ASTN2: variants seen among roughly 807,000 people sequenced by gnomAD.
ASTN2 encodes the protein astrotactin-2.
Under a neutral mutation model 139.8 loss-of-function variants are expected in ASTN2, and 54 were observed. That is an observed-to-expected ratio of 0.39 (90% CI 0.31 to 0.48). The LOEUF (loss-of-function observed/expected upper bound fraction) is 0.48. Among genes scored for constraint, ASTN2 ranks in the 20% least tolerant of loss-of-function variants. The pLI, the probability that ASTN2 is intolerant of heterozygous loss-of-function variation, is 0.95. For synonymous variants in ASTN2, 756 were observed against 719.5 expected (o/e 1.05, Z -0.81); for missense variants, 1,565 against 1,725.1 (o/e 0.91, Z 1.64).
At chr9:116,548,033 C>A (rs1852177223) in intron 19 of ASTN2, among the ~76,000 whole-genome samples, 1 of 152,226 alleles carries the variant, frequency 6.6e-6, no homozygotes, top group South Asian at 2.1e-4. Context: ...AGAAAAGCAG[C>A]AAACCTGCGT....
At chr9:117,217,677 G>A (rs898798743) in intron 2 of ASTN2, among the ~76,000 whole-genome samples, 3 of 152,188 alleles carry the variant, frequency 2.0e-5, no homozygotes, top group African/African-American at 7.2e-5. Context: ...ACCTCATTGG[G>A]TCATGAAGGC....
intron 16 of ASTN2, among the ~76,000 whole-genome samples, chr9:116,719,161 G>C (rs1828406564): frequency 6.6e-6 from 1 of 151,510 alleles, no homozygotes. Flanking sequence ...GACAAGCTAT[G>C]ATGGTGACTT....
At chr9:117,086,734 G>A (rs574398511) in intron 5 of ASTN2, among the ~76,000 whole-genome samples, 1 of 152,088 alleles carries the variant, frequency 6.6e-6, no homozygotes, top group South Asian at 2.1e-4. Flanking sequence ...CTGTACCCAT[G>A]TCCAGGCCCT....
intron 3 of ASTN2, among the ~76,000 whole-genome samples, chr9:117,162,247 C>T (rs1365696525): frequency 7.9e-5 from 12 of 151,940 alleles, no homozygotes; most frequent in Admixed American, 7.9e-4. Context: ...TGAGCCTCAC[C>T]TCCTCCTTCC....
chr9:116,658,758 T>G (rs1051615869), intron 16 of ASTN2, among the ~76,000 whole-genome samples: 2 of 134,154 alleles, frequency 1.5e-5, no homozygotes, highest in African/African-American at 2.7e-5. Context: ...TTTTTTTTTT[T>G]GCTTGTACTG....
At chr9:117,003,953 C>CGCGTGTGTGTGTGTGTGT (rs1218309835) in intron 7 of ASTN2, among the ~76,000 whole-genome samples, 17 of 146,286 alleles carry the variant, frequency 1.2e-4, no homozygotes, top group African/African-American at 4.2e-4. Flanking sequence ...CGCGCGCGCG[C>CGCGTGTGTGTGTGTGTGT]GTGTGTGTGT....
chr9:116,916,621 C>A (rs995301365), intron 10 of ASTN2, among the ~76,000 whole-genome samples: 2 of 152,048 alleles, frequency 1.3e-5, no homozygotes, highest in Admixed American at 1.3e-4. Flanking sequence ...CCAAGGTGGG[C>A]AGATTGCTTG....
intron 19 of ASTN2, among the ~76,000 whole-genome samples, chr9:116,548,368 T>C (rs548438701): frequency 6.6e-6 from 1 of 152,348 alleles, no homozygotes; most frequent in Admixed American, 6.5e-5. Context: ...GCTCCAGGCC[T>C]CAGTGCCTCT....
At chr9:116,988,314 T>A (rs999632031) in intron 7 of ASTN2, among the ~76,000 whole-genome samples, 2 of 152,204 alleles carry the variant, frequency 1.3e-5, no homozygotes, top group Admixed American at 1.3e-4. Flanking sequence ...TCATGCCCAC[T>A]CTTCTCATTG....
Position 117,414,648 on chromosome 9 carries a change from TCCGGCCCCGGTCCCAGCCCCGGCC to T in ASTN2, c.267_290del (p.Gly91_Ala98del), listed in dbSNP as rs1442856265. 2 of 1,362,484 alleles carry T rather than the reference TCCGGCCCCGGTCCCAGCCCCGGCC, an allele frequency of 1.5e-6. No individual in the cohort carries two copies. Among genetic ancestry groups the T allele is most frequent in the Non-Finnish European group, 1.9e-6 (2 of 1,064,934 alleles). 84.4% of individuals were successfully genotyped at this position (1,362,484 alleles called of 1,614,324 possible). A position where few individuals can be genotyped will look rare whatever the true frequency, so the allele number is the denominator to read the frequency against. On this transcript the variant is annotated inframe_deletion, in exon 1 of 23. Transcript: ENST00000313400. This position sits in a 1 kb window ranked among gnomAD's most constrained non-coding sequence, Gnocchi z 4.2. ...CCGGGGACGCGGCGGCGGCGGCGGC[TCCGGCCCCGGTCCCAGCCCCGGCC>T]CCGGCGCGGGCGCCGCTCCAGCCGA...
chr9:116,667,817 GC>G lies in ASTN2; in HGVS notation c.2807-16025del, dbSNP rs570452673. On this transcript the variant is annotated intron_variant, in intron 16 of 22. Transcript: ENST00000313400. ...GCACAGAAAATTTCTCTATTTTCAT[GC>G]CCCCCCACCCACCCACCTGCCACAT... Among the ~76,000 whole-genome samples, 3 of 139,970 alleles carry G rather than the reference GC, an allele frequency of 2.1e-5. No homozygotes were observed. The South Asian group carries it at 7.2e-4, about 34-fold the overall frequency. 91.8% of individuals were successfully genotyped at this position (139,970 alleles called of 152,430 possible).
chr9:117,307,804 T>C (rs1451641724), intron 1 of ASTN2, among the ~76,000 whole-genome samples: 1 of 152,176 alleles, frequency 6.6e-6, no homozygotes, highest in Non-Finnish European at 1.5e-5. Flanking sequence ...GAAATGTCCT[T>C]CTGAGCCTCT....
chr9:116,966,419 C>T (rs911596374), intron 10 of ASTN2, among the ~76,000 whole-genome samples: 1 of 152,142 alleles, frequency 6.6e-6, no homozygotes, highest in Non-Finnish European at 1.5e-5. Context: ...TCTGAGCTGA[C>T]AGTTGGTGCA....
chr9:116,828,282 C>CAG, intron 11 of ASTN2, among the ~76,000 whole-genome samples: 1 of 121,426 alleles, frequency 8.2e-6, no homozygotes, highest in African/African-American at 3.3e-5. Context: ...GCCTGGGCAA[C>CAG]AGAGCGAGAC....
At chr9:117,107,763 T>C (rs1032605845) in intron 4 of ASTN2, among the ~76,000 whole-genome samples, 4 of 152,216 alleles carry the variant, frequency 2.6e-5, no homozygotes, top group Admixed American at 6.5e-5. Flanking sequence ...CTTGTTGACA[T>C]GCACTGCAAA....
intron 2 of ASTN2, among the ~76,000 whole-genome samples, chr9:117,220,952 C>T (rs1832495422): frequency 6.6e-6 from 1 of 152,160 alleles, no homozygotes; most frequent in South Asian, 2.1e-4. Flanking sequence ...TGTTGTTATC[C>T]AATCATCTGT....
At chr9:117,047,207 G>T (rs1490428283) in intron 5 of ASTN2, among the ~76,000 whole-genome samples, 6 of 152,122 alleles carry the variant, frequency 3.9e-5, no homozygotes, top group Non-Finnish European at 8.8e-5. Flanking sequence ...TTTTAAACTG[G>T]GGCTTTCTCA....
At chr9:116,592,853 C>A (rs1184729620) in intron 19 of ASTN2, among the ~76,000 whole-genome samples, 1 of 152,002 alleles carries the variant, frequency 6.6e-6, no homozygotes, top group Non-Finnish European at 1.5e-5. Context: ...CTCCTACAAC[C>A]CATTCATGGA....
At chr9:116,804,055 G>C (rs572382034) in intron 13 of ASTN2, among the ~76,000 whole-genome samples, 2 of 151,878 alleles carry the variant, frequency 1.3e-5, no homozygotes, top group Non-Finnish European at 2.9e-5. Context: ...AGTGTCAGAG[G>C]GGCCATTTCT....
Sources: gnomAD v4.1 joint callset for allele counts (sites outside exome capture counted in the v4.1 genomes callset) on GRCh38, gnomAD v4.1.1 for gene constraint, Gnocchi (gnomAD v3.1) non-coding constraint, MANE v1.5 for transcripts, NCBI Gene and HGNC (gene_info 2026-07-23, HGNC 2026-07-21) for gene names.